The following ITGA1 variants were observed in gnomAD, a reference collection of about 807,000 sequenced individuals.
The protein encoded by ITGA1 is integrin subunit alpha 1.
A neutral mutation model predicts 145.9 loss-of-function variants in ITGA1; 85 were observed. That is an observed-to-expected ratio of 0.58 (90% CI 0.49 to 0.70). ITGA1 has a LOEUF of 0.70. Ranked by LOEUF, ITGA1 falls within the 30% of genes least tolerant of loss-of-function variation. The probability of loss-of-function intolerance (pLI) is 0.00; values close to 1 mark genes in which losing one functional copy is unlikely to be tolerated. For missense variants in ITGA1, 1,351 were observed against 1,418.7 expected (o/e 0.95, Z 0.77); for synonymous variants, 520 against 495.3 (o/e 1.05, Z -0.66).
chr5:52,948,814 A>G (rs1470038003), intron 28 of ITGA1: 1 of 152,090 alleles, frequency 6.6e-6, no homozygotes, highest in Non-Finnish European at 1.5e-5. Flanking sequence ...TGTTCTCAGC[A>G]CTGCACTTAC....
chr5:52,812,904 C>G (rs1336156357), intron 1 of ITGA1, among the ~76,000 whole-genome samples: 2 of 129,568 alleles, frequency 1.5e-5, no homozygotes, highest in African/African-American at 3.2e-5. Context: ...ATAAATCTCT[C>G]TCTACCAAAG....
intron 12 of ITGA1, among the ~76,000 whole-genome samples, chr5:52,907,964 C>T (rs1750437386): frequency 2.0e-5 from 3 of 152,316 alleles, no homozygotes; most frequent in South Asian, 4.1e-4. Context: ...ATGTCTAGGA[C>T]TGTAGAACTG....
At position 52,954,001 on chromosome 5, in the gene ITGA1, C is replaced by G. The variant is rs2111565729; in HGVS notation, c.*1550C>G. ...ATTTAGCTGAAGACTCAGAGTCAGC[C>G]TACCTCTTGACTCTCCACATCCGCA... On this transcript the variant is annotated 3_prime_UTR_variant, in exon 29 of 29. Coordinates refer to ENST00000282588, the MANE Select transcript of ITGA1 (RefSeq NM_181501.2). The G allele has an allele frequency of 6.6e-6, 1 of 152,212 alleles. No homozygotes were observed. The highest frequency in any genetic ancestry group is 2.1e-4 in the South Asian group (1 of 4,816). 9.4% of individuals were successfully genotyped at this position (152,212 alleles called of 1,614,324 possible). A position where few individuals can be genotyped will look rare whatever the true frequency, so the allele number is the denominator to read the frequency against.
chr5:52,860,648 C>A (rs1170451880), intron 2 of ITGA1, among the ~76,000 whole-genome samples: 1 of 152,234 alleles, frequency 6.6e-6, no homozygotes, highest in African/African-American at 2.4e-5. Flanking sequence ...TGATTGCTAG[C>A]AGCCAGAGTT....
At chr5:52,803,590 C>A (rs2111670843) in intron 1 of ITGA1, 1 of 152,254 alleles carries the variant, frequency 6.6e-6, no homozygotes, top group East Asian at 1.9e-4. Flanking sequence ...CCCTCAGTGT[C>A]CAGGTTGCAG....
intron 15 of ITGA1, among the ~76,000 whole-genome samples, chr5:52,915,956 A>G (rs769728833): frequency 9.9e-5 from 15 of 152,206 alleles, no homozygotes; most frequent in Non-Finnish European, 2.2e-4. Context: ...TCGACTTTGT[A>G]TTCATTTACC....
At chr5:52,833,853 G>GAAAAAGA (rs1362950652) in intron 1 of ITGA1, among the ~76,000 whole-genome samples, 2 of 151,706 alleles carry the variant, frequency 1.3e-5, no homozygotes, top group Non-Finnish European at 1.5e-5. Flanking sequence ...TAAAGACAAA[G>GAAAAAGA]AAAAAGAAAA....
chr5:52,809,502 C>G (rs915643662), intron 1 of ITGA1, among the ~76,000 whole-genome samples: 2 of 122,438 alleles, frequency 1.6e-5, no homozygotes, highest in Non-Finnish European at 3.4e-5. Flanking sequence ...CTCAACTTTA[C>G]TTTTTTTTTT....
intron 6 of ITGA1, among the ~76,000 whole-genome samples, chr5:52,873,798 C>A (rs137883782): frequency 6.6e-6 from 1 of 152,272 alleles, no homozygotes; most frequent in African/African-American, 2.4e-5. Context: ...AAAAACACCT[C>A]ATTGTTTCAC....
chr5:52,877,735 G>T (rs1749889913), intron 6 of ITGA1, among the ~76,000 whole-genome samples: 1 of 152,186 alleles, frequency 6.6e-6, no homozygotes. Flanking sequence ...TAACGCTGCA[G>T]CTTCAAAATA....
chr5:52,909,127 C>T, intron 13 of ITGA1, 86 bp downstream of exon 13: 1 of 1,388,674 alleles, frequency 7.2e-7, no homozygotes, highest in Non-Finnish European at 9.8e-7. Flanking sequence ...TTTTCACTCA[C>T]TTTGAAAAAA....
At chr5:52,846,276 A>C (rs900931895) in intron 1 of ITGA1, among the ~76,000 whole-genome samples, 1 of 152,118 alleles carries the variant, frequency 6.6e-6, no homozygotes, top group Non-Finnish European at 1.5e-5. Context: ...GGTGTCAGGC[A>C]CCTGTAATCT....
chr5:52,947,856 T>C (rs1173753916), intron 28 of ITGA1, among the ~76,000 whole-genome samples: 1 of 152,164 alleles, frequency 6.6e-6, no homozygotes, highest in African/African-American at 2.4e-5. Context: ...AATTTAAGGA[T>C]ATATAAGCAG....
intron 15 of ITGA1, among the ~76,000 whole-genome samples, chr5:52,916,260 TTAA>T (rs1750645499): frequency 6.6e-6 from 1 of 152,188 alleles, no homozygotes; most frequent in South Asian, 2.1e-4. Flanking sequence ...AAGAATCAAC[TTAA>T]TGAGAAATCC....
In ITGA1 at chr5:52,927,523, G is replaced by T. The variant is rs971300605; in HGVS notation, c.2614-61G>T. ...AGACACATCTGGGAAAATTCTGAAAGAACACGTATCAATATTTCACCTGCT... is the reference window on the plus strand; with the variant it reads ...AGACACATCTGGGAAAATTCTGAAATAACACGTATCAATATTTCACCTGCT... On this transcript the variant is annotated intron_variant, in intron 19 of 28. Transcript: ENST00000282588. The T allele has an allele frequency of 6.8e-6, 8 of 1,181,332 alleles. No individual in the cohort carries two copies. In the Admixed American group the frequency reaches 7.7e-5, roughly 11 times the overall value. 73.2% of individuals were successfully genotyped at this position (1,181,332 alleles called of 1,614,324 possible). A position where few individuals can be genotyped will look rare whatever the true frequency, so the allele number is the denominator to read the frequency against.
intron 14 of ITGA1, among the ~76,000 whole-genome samples, chr5:52,912,449 CACTAT>C (rs1750573570): frequency 7.1e-6 from 1 of 140,428 alleles, no homozygotes; most frequent in African/African-American, 2.6e-5. Context: ...ATAGTGTATC[CACTAT>C]AGGTATTATA....
intron 21 of ITGA1, chr5:52,931,396 G>A (rs1015462160): frequency 2.0e-5 from 3 of 152,014 alleles, no homozygotes; most frequent in Non-Finnish European, 4.4e-5. Context: ...TTCATTACTC[G>A]TTATATCATT....
chr5:52,925,521 TAAC>T (rs1350219995), intron 19 of ITGA1, 34 bp downstream of exon 19: 1 of 1,463,510 alleles, frequency 6.8e-7, no homozygotes, highest in African/African-American at 1.4e-5. Flanking sequence ...TTTGTTCTCT[TAAC>T]ATCATTTACC....
chr5:52,794,749 T>G (rs1326781474), intron 1 of ITGA1, among the ~76,000 whole-genome samples: 1 of 151,944 alleles, frequency 6.6e-6, no homozygotes, highest in Non-Finnish European at 1.5e-5. Flanking sequence ...CCACTTAGCT[T>G]TGCTGGTGGA....
Sources: allele counts gnomAD v4.1 joint callset (sites outside exome capture counted in the v4.1 genomes callset), GRCh38; gene constraint gnomAD v4.1.1; transcripts MANE v1.5; gene names NCBI Gene and HGNC (gene_info 2026-07-23, HGNC 2026-07-21).